Variants in GRIK2 observed in about 807,000 individuals in gnomAD.
The protein encoded by GRIK2 is glutamate receptor ionotropic, kainate 2.
Under a neutral mutation model 100.3 loss-of-function variants are expected in GRIK2, and 32 were observed. That is an observed-to-expected ratio of 0.32 (90% CI 0.24 to 0.43). The LOEUF is 0.43. Among genes scored for constraint, GRIK2 ranks in the 20% least tolerant of loss-of-function variants. The pLI is 1.00. For missense variants in GRIK2, 843 were observed against 1,114.9 expected (o/e 0.76, Z 3.47); for synonymous variants, 417 against 389.4 (o/e 1.07, Z -0.83).
intron 2 of GRIK2, among the ~76,000 whole-genome samples, chr6:101,411,514 A>G (rs1775882067): frequency 6.6e-6 from 1 of 152,084 alleles, no homozygotes; most frequent in Non-Finnish European, 1.5e-5. Flanking sequence ...AAGTAACTGT[A>G]CTTAAACAAA....
At chr6:101,454,120 T>G (rs1308793576) in intron 2 of GRIK2, among the ~76,000 whole-genome samples, 1 of 152,074 alleles carries the variant, frequency 6.6e-6, no homozygotes, top group African/African-American at 2.4e-5. Flanking sequence ...TCCTGTTGCC[T>G]CCTCTCTTTC....
At chr6:101,592,588 CATATATATATATATATATAT>C (rs3056161) in intron 2 of GRIK2, among the ~76,000 whole-genome samples, 45 of 101,940 alleles carry the variant, frequency 4.4e-4, no homozygotes, top group African/African-American at 1.0e-3. Context: ...ACTAATATCA[CATATATATATATATATATAT>C]ATATATATAT....
chr6:101,657,052 A>G (rs1043606363), intron 4 of GRIK2, among the ~76,000 whole-genome samples: 2 of 152,206 alleles, frequency 1.3e-5, no homozygotes, highest in Admixed American at 6.6e-5. Flanking sequence ...GGGGCTGACA[A>G]TATTTCTTCT....
chr6:101,909,383 T>TG (rs1562480979), intron 12 of GRIK2, among the ~76,000 whole-genome samples: 1 of 133,140 alleles, frequency 7.5e-6, no homozygotes. Context: ...TTTCTTTTTC[T>TG]TTTTTTTTTT....
intron 4 of GRIK2, among the ~76,000 whole-genome samples, chr6:101,630,028 C>T (rs1780651691): frequency 6.6e-6 from 1 of 152,104 alleles, no homozygotes; most frequent in African/African-American, 2.4e-5. Flanking sequence ...ATCCATGTTG[C>T]TGCAAAGAAC....
intron 14 of GRIK2, among the ~76,000 whole-genome samples, chr6:102,004,000 T>C (rs1047900629): frequency 6.6e-6 from 1 of 151,558 alleles, no homozygotes; most frequent in African/African-American, 2.4e-5. Flanking sequence ...TCTATGTTTC[T>C]GTAGATTTGT....
At chr6:102,033,314 G>A (rs1770096457) in intron 14 of GRIK2, among the ~76,000 whole-genome samples, 1 of 151,096 alleles carries the variant, frequency 6.6e-6, no homozygotes, top group Non-Finnish European at 1.5e-5. Context: ...TCTCAACAGT[G>A]GTTATGGATT....
intron 2 of GRIK2, among the ~76,000 whole-genome samples, chr6:101,581,140 G>A (rs1778063944): frequency 6.7e-6 from 1 of 149,032 alleles, no homozygotes; most frequent in Admixed American, 6.7e-5. Flanking sequence ...TTCTCCAGAG[G>A]GACAGAATTA....
chr6:101,745,489 G>C (rs1025726585), intron 7 of GRIK2, among the ~76,000 whole-genome samples: 1 of 151,874 alleles, frequency 6.6e-6, no homozygotes, highest in Non-Finnish European at 1.5e-5. Flanking sequence ...AAGGCTTTTT[G>C]GTATTCTCGT....
chr6:101,516,445 C>G (rs1223998553), intron 2 of GRIK2, among the ~76,000 whole-genome samples: 1 of 151,994 alleles, frequency 6.6e-6, no homozygotes, highest in Admixed American at 6.6e-5. Context: ...TACTTAACAG[C>G]CAACTGATCT....
chr6:101,591,264 T>C (rs72961140), intron 2 of GRIK2, among the ~76,000 whole-genome samples: 13,940 of 151,672 alleles, frequency 0.092, 733 homozygotes, highest in Admixed American at 0.15. Flanking sequence ...GGATTTACTA[T>C]AATTTCCACT....
At chr6:102,056,180 T>G (rs1255117943) in intron 16 of GRIK2, among the ~76,000 whole-genome samples, 5 of 151,930 alleles carry the variant, frequency 3.3e-5, no homozygotes, top group Non-Finnish European at 7.4e-5. Flanking sequence ...TTTGTTTTTT[T>G]GTACCAGAGT....
chr6:101,437,773 G>A (rs1484433003), intron 2 of GRIK2, among the ~76,000 whole-genome samples: 2 of 152,016 alleles, frequency 1.3e-5, no homozygotes, highest in East Asian at 3.9e-4. Flanking sequence ...AATAGGGAGA[G>A]ATACAGGGTT....
chr6:101,922,877 T>G (rs956196122), intron 12 of GRIK2, among the ~76,000 whole-genome samples: 6 of 152,338 alleles, frequency 3.9e-5, no homozygotes, highest in African/African-American at 1.4e-4. Context: ...ATTCTGTTAC[T>G]TGGAAATACT....
chr6:101,649,406 T>C (rs1781682259), intron 4 of GRIK2, among the ~76,000 whole-genome samples: 2 of 152,086 alleles, frequency 1.3e-5, no homozygotes, highest in Admixed American at 1.3e-4. Flanking sequence ...CTTAAGTCCA[T>C]GCTTTTGTCA....
intron 14 of GRIK2, among the ~76,000 whole-genome samples, chr6:101,955,269 A>G (rs1451849686): frequency 6.6e-6 from 1 of 152,080 alleles, no homozygotes; most frequent in Non-Finnish European, 1.5e-5. Context: ...ATTTATGAAG[A>G]AATGGTATTA....
At position 101,776,975 on chromosome 6, in the gene GRIK2, C is replaced by T. The variant is rs945302785; in HGVS notation, c.952-22673C>T. Among the ~76,000 whole-genome samples the T allele has an allele frequency of 6.6e-5, 10 of 152,238 alleles. No homozygotes were observed. In the South Asian group the frequency reaches 1.4e-3, roughly 22 times the overall value. ...GAGAGTATCCATCTGAAGAGATTAC[C>T]GCTCTTCTGGTGATCATCGCCATCA... On this transcript the variant is annotated intron_variant, in intron 7 of 16. Transcript: ENST00000369134.
chr6:101,521,228 G>A (rs1016712865), intron 2 of GRIK2, among the ~76,000 whole-genome samples: 1 of 151,764 alleles, frequency 6.6e-6, no homozygotes, highest in African/African-American at 2.4e-5. Context: ...TTATTTTTGC[G>A]GGAAAAAGAA....
At chr6:101,511,787 A>T (rs1400586741) in intron 2 of GRIK2, among the ~76,000 whole-genome samples, 2 of 151,960 alleles carry the variant, frequency 1.3e-5, no homozygotes, top group Admixed American at 1.3e-4. Context: ...ATTTGTTTTT[A>T]TGTTGGTTAA....
Sources: gnomAD v4.1 joint callset for allele counts (sites outside exome capture counted in the v4.1 genomes callset) on GRCh38, gnomAD v4.1.1 for gene constraint, MANE v1.5 for transcripts, NCBI Gene and HGNC (gene_info 2026-07-23, HGNC 2026-07-21) for gene names.